The following TBCD variants were observed in gnomAD, a reference collection of about 807,000 sequenced individuals.
The protein encoded by TBCD is tubulin folding cofactor D.
TBCD carries 105 observed loss-of-function variants against 169.3 expected under a neutral mutation model. The observed-to-expected ratio is 0.62, with a 90% confidence interval of 0.53 to 0.73. TBCD has a LOEUF of 0.73. TBCD is among the 30% of genes least tolerant of loss of function. The probability of loss-of-function intolerance (pLI) is 0.00; values close to 1 mark genes in which losing one functional copy is unlikely to be tolerated. For missense variants in TBCD, 1,444 were observed against 1,600.1 expected (o/e 0.90, Z 1.66); for synonymous variants, 700 against 643.9 (o/e 1.09, Z -1.32).
chr17:82,838,140 A>G (rs992084380), intron 13 of TBCD, among the ~76,000 whole-genome samples: 2 of 152,228 alleles, frequency 1.3e-5, no homozygotes, highest in African/African-American at 4.8e-5. Flanking sequence ...CCACACAGAC[A>G]GTGCTTTGAA....
intron 17 of TBCD, among the ~76,000 whole-genome samples, chr17:82,897,518 A>G (rs1599335644): frequency 3.0e-3 from 1 of 330 alleles, no homozygotes; most frequent in African/African-American, 4.1e-3. Flanking sequence ...ACTCCGTCTC[A>G]AAAAAAAAAA....
At chr17:82,911,300 T>G (rs540112092) in intron 22 of TBCD, among the ~76,000 whole-genome samples, 1 of 152,008 alleles carries the variant, frequency 6.6e-6, no homozygotes, top group East Asian at 1.9e-4. Flanking sequence ...CCTGCCCTTG[T>G]GCACCAGGGT....
intron 13 of TBCD, among the ~76,000 whole-genome samples, chr17:82,863,215 C>G (rs1486795457): frequency 6.6e-6 from 1 of 152,212 alleles, no homozygotes; most frequent in African/African-American, 2.4e-5. Flanking sequence ...CTCAGATCAG[C>G]TGCTTCACCA....
At position 82,923,371 on chromosome 17, in the gene TBCD, G is replaced by A. The variant is rs980126580; in HGVS notation, c.2179-281G>A. Among the ~76,000 whole-genome samples, 6 of 152,192 alleles carry A rather than the reference G, an allele frequency of 3.9e-5. No individual in the cohort carries two copies. The highest frequency in any genetic ancestry group is 7.2e-5 in the African/African-American group (3 of 41,454). On this transcript the variant is annotated intron_variant, in intron 25 of 38. Transcript: ENST00000355528. The surrounding 1 kb of genome is among the most constrained non-coding windows in gnomAD (Gnocchi z 4.6). The stretch of plus-strand genomic sequence containing the variant: ...CTTAGGGGTTCTTTTGGTTTGGTTC[G>A]AAAGTCATTGCTGTGCCGAGATCTC...
At chr17:82,808,252 C>G (rs56019950) in intron 11 of TBCD, among the ~76,000 whole-genome samples, 1 of 152,214 alleles carries the variant, frequency 6.6e-6, no homozygotes, top group African/African-American at 2.4e-5. Flanking sequence ...GAAGAAGATG[C>G]TGAAGTGTCG....
intron 25 of TBCD, among the ~76,000 whole-genome samples, 178 bp downstream of exon 25, chr17:82,921,755 A>G (rs1175938667): frequency 6.6e-5 from 10 of 152,256 alleles, no homozygotes; most frequent in Admixed American, 2.0e-4. Flanking sequence ...CACGGTTTAT[A>G]ACCAGAAAAT....
chr17:82,929,299 C>T, intron 31 of TBCD, 28 bp downstream of exon 31: 1 of 1,611,404 alleles, frequency 6.2e-7, no homozygotes, highest in Non-Finnish European at 8.5e-7. Flanking sequence ...GCCCCCCGTG[C>T]TGGCCCCGCA....
intron 6 of TBCD, among the ~76,000 whole-genome samples, chr17:82,778,346 G>A (rs567752969): frequency 1.1e-4 from 16 of 152,292 alleles, no homozygotes; most frequent in African/African-American, 3.9e-4. Flanking sequence ...AAGGGAACAC[G>A]GTTTGTCACC....
intron 15 of TBCD, chr17:82,886,330 T>C (rs570731017): frequency 6.6e-6 from 1 of 152,236 alleles, no homozygotes; most frequent in Non-Finnish European, 1.5e-5. Context: ...CGTTGCTGAA[T>C]GCTGGTTTTT....
rs769054450 is a variant in TBCD, at chr17:82,929,278, TC to T, written c.2852+8del. 6.2e-7 allele frequency: 1 copy of T among 1,613,180 alleles called. No homozygotes were observed. Among genetic ancestry groups the T allele is most frequent in the Non-Finnish European group, 8.5e-7 (1 of 1,179,356 alleles). On this transcript the variant is annotated splice_region_variant and intron_variant, in intron 31 of 38. Transcript: ENST00000355528. ...TGGAAAAGCTGTTTCCCAGGTACTG[TC>T]GGGGTGTAGGCCCCCCGTGCTGGCC...
Position 82,782,534 on chromosome 17 carries a change from G to C in TBCD, c.771+813G>C, listed in dbSNP as rs1007152755. 6.6e-6 allele frequency among the ~76,000 whole-genome samples: 1 copy of C among 152,156 alleles called. No homozygotes were observed. The highest frequency in any genetic ancestry group is 1.5e-5 in the Non-Finnish European group (1 of 68,022). ...AAAAAATATATTTTATAGAGACAGGGTCTTGCTATGTAGGTCAGGGTGGTC... is the reference window on the plus strand; with the variant it reads ...AAAAAATATATTTTATAGAGACAGGCTCTTGCTATGTAGGTCAGGGTGGTC... On this transcript the variant is annotated intron_variant, in intron 7 of 38. Coordinates refer to ENST00000355528, the MANE Select transcript of TBCD (RefSeq NM_005993.5). This position sits in a 1 kb window ranked among gnomAD's most constrained non-coding sequence, Gnocchi z 5.1.
chr17:82,897,575 T>A (rs1567983963), intron 17 of TBCD, among the ~76,000 whole-genome samples: 1 of 152,142 alleles, frequency 6.6e-6, no homozygotes, highest in Non-Finnish European at 1.5e-5. Context: ...ACATATAGTT[T>A]ACATATAGTA....
intron 12 of TBCD, 150 bp from the exon 13 acceptor site, chr17:82,814,690 T>C: frequency 1.3e-6 from 1 of 750,106 alleles, no homozygotes; most frequent in Non-Finnish European, 2.2e-6. Flanking sequence ...CTTGATACTT[T>C]AAAAACTTAG....
At chr17:82,787,312 T>C (rs2049388466) in intron 7 of TBCD, among the ~76,000 whole-genome samples, 1 of 152,162 alleles carries the variant, frequency 6.6e-6, no homozygotes, top group African/African-American at 2.4e-5. Context: ...CTGAAATCCC[T>C]GGGAAGGGAA....
At chr17:82,926,632 C>T in intron 28 of TBCD, 141 bp downstream of exon 28, 1 of 696,264 alleles carries the variant, frequency 1.4e-6, no homozygotes, top group Non-Finnish European at 2.4e-6. Context: ...GATCGTCAGT[C>T]CCAGCTGCTG....
rs1373286227 is a variant in TBCD, at chr17:82,850,227, G to T, written c.1319-19997G>T. 1.4e-5 allele frequency among the ~76,000 whole-genome samples: 2 copies of T among 141,702 alleles called. 1 individual carries two copies. The allele number at this position is 141,702 out of a possible 152,430, so 93.0% of individuals were successfully genotyped here. A position where few individuals can be genotyped will look rare whatever the true frequency, so the allele number is the denominator to read the frequency against. On this transcript the variant is annotated intron_variant, in intron 13 of 38. Coordinates refer to ENST00000355528, the MANE Select transcript of TBCD (RefSeq NM_005993.5). ...GCTGTTGTTGGCTGTGCTGCTGTTG[G>T]CTGTGCTGCTGTTGGCTGTGCTGTT...
rs1221877741 is a variant in TBCD at position 82,943,708 on chromosome 17, G to GA, written c.*1246dup. On this transcript the variant is annotated 3_prime_UTR_variant, in exon 39 of 39. Transcript: ENST00000355528. ...TGTGTGTGACGACCTGGCCACACAG[G>GA]AGTGTGGGGTTAACACACTACTGTT... The GA allele has an allele frequency of 1.3e-5, 2 of 152,254 alleles. No homozygotes were observed. Among genetic ancestry groups the GA allele is most frequent in the African/African-American group, 4.8e-5 (2 of 41,454 alleles). 9.4% of individuals were successfully genotyped at this position (152,254 alleles called of 1,614,324 possible). A position where few individuals can be genotyped will look rare whatever the true frequency, so the allele number is the denominator to read the frequency against.
At chr17:82,875,878 C>T (rs1217848429) in intron 14 of TBCD, among the ~76,000 whole-genome samples, 1 of 152,142 alleles carries the variant, frequency 6.6e-6, no homozygotes, top group Non-Finnish European at 1.5e-5. Context: ...TTAAAAAATT[C>T]TCGTGTTTTA....
chr17:82,774,574 A>G (rs1791407797), intron 6 of TBCD, among the ~76,000 whole-genome samples: 2 of 152,190 alleles, frequency 1.3e-5, no homozygotes, highest in African/African-American at 4.8e-5. Flanking sequence ...TACACCTCCC[A>G]GACGGGGTGG....
Sources: gnomAD v4.1 joint callset for allele counts (sites outside exome capture counted in the v4.1 genomes callset) on GRCh38, gnomAD v4.1.1 for gene constraint, Gnocchi (gnomAD v3.1) non-coding constraint, MANE v1.5 for transcripts, NCBI Gene and HGNC (gene_info 2026-07-23, HGNC 2026-07-21) for gene names.